The following TMEM67 variants were observed in gnomAD, a reference collection of about 807,000 sequenced individuals.
TMEM67 encodes the protein transmembrane protein 67, also known as meckelin.
TMEM67 carries 124 observed loss-of-function variants against 136.6 expected under a neutral mutation model. That is an observed-to-expected ratio of 0.91 (90% CI 0.78 to 1.05). The LOEUF (loss-of-function observed/expected upper bound fraction) is 1.05. TMEM67 is among the 50% of genes least tolerant of loss of function. TMEM67 has a pLI of 0.00. For synonymous variants in TMEM67, 364 were observed against 390.5 expected (o/e 0.93, Z 0.80); for missense variants, 1,107 against 1,178.4 (o/e 0.94, Z 0.89).
chr8:93,770,965 A>G (rs977057795), intron 6 of TMEM67, among the ~76,000 whole-genome samples: 1 of 151,968 alleles, frequency 6.6e-6, no homozygotes, highest in Admixed American at 6.6e-5. Flanking sequence ...CAGTGAGCCA[A>G]GATCGCGCCA....
chr8:93,762,945 AAC>A, intron 3 of TMEM67: 1 of 438,982 alleles, frequency 2.3e-6, no homozygotes, highest in Middle Eastern at 3.3e-4. Context: ...TGTTTTTTGA[AAC>A]AGGGTCTCAC....
Position 93,793,228 on chromosome 8 carries a change from GT to G in TMEM67, c.1610del (p.Leu537Ter), listed in dbSNP as rs866092329. 6.2e-7 allele frequency: 1 copy of G among 1,614,114 alleles called. No homozygotes were observed. Among genetic ancestry groups the G allele is most frequent in the Non-Finnish European group, 8.5e-7 (1 of 1,180,004 alleles). On this transcript the variant is annotated frameshift_variant, in exon 16 of 28. Coordinates refer to ENST00000453321, the MANE Select transcript of TMEM67 (RefSeq NM_153704.6). LOFTEE classifies it high-confidence loss of function. ...IALGVLGGLAVLASLLKTAGW... is the reference protein window; with the variant it reads ...IALGVLGGLAXLASLLKTAGW... Reference sequence around the variant, plus strand: ...TTTGGGTGTATTGGGTGGGCTAGCTGTTTTAGCATCTCTTTTGAAGACAGCA... The same window carrying G: ...TTTGGGTGTATTGGGTGGGCTAGCTGTTTAGCATCTCTTTTGAAGACAGCA...
chr8:93,780,726 C>T lies in TMEM67; in HGVS notation c.848C>T (p.Thr283Ile), dbSNP rs747533371. The change falls in exon 8 of 28, where the codon ACT (threonine) becomes ATT (isoleucine). Residue 283 changes from threonine to isoleucine, a missense_variant. Physicochemically the swap from Thr to Ile is moderately conservative, Grantham distance 89. Around this residue, in one of 3 missense-constraint regions of TMEM67, gnomAD observed 925 missense variants for 1,002.4 expected, o/e 0.92. Transcript: ENST00000453321. Reference protein sequence around the residue: ...FIFENTAGLSTVHSISFWRQN... With the variant: ...FIFENTAGLSIVHSISFWRQN... ...TTTGAAAATACTGCTGGACTGAGCA[C>T]TGTTCATTCTATTTCATTTTGGTAA... is the stretch of plus-strand genomic sequence containing the variant. 1.2e-5 allele frequency: 20 copies of T among 1,613,930 alleles called. No individual in the cohort carries two copies. Among genetic ancestry groups the T allele is most frequent in the South Asian group, 4.4e-5 (4 of 91,084 alleles).
rs562576205 is a variant in TMEM67 at position 93,814,285 on chromosome 8, G to A, written c.2765-1020G>A. Among the ~76,000 whole-genome samples the A allele has an allele frequency of 1.1e-4, 17 of 151,192 alleles. No homozygotes were observed. In the East Asian group the frequency reaches 1.2e-3, roughly 10 times the overall value. ...CTCCTGAGTAGCTGGGACTACAGGC[G>A]CCCGCCACCATGCGTGGCTAATTTT... On this transcript the variant is annotated intron_variant, in intron 26 of 27. Transcript: ENST00000453321.
In TMEM67 at chr8:93,795,431, A is replaced by G; in HGVS notation, c.1697A>G (p.Tyr566Cys). 1 of 1,614,034 alleles carries G rather than the reference A, an allele frequency of 6.2e-7. No individual in the cohort carries two copies. Among genetic ancestry groups the G allele is most frequent in the Non-Finnish European group, 8.5e-7 (1 of 1,179,952 alleles). Residue 566 changes from tyrosine to cysteine, a missense_variant, in exon 17 of 28, where the codon TAC becomes TGC. Physicochemically the swap from Tyr to Cys is radical, Grantham distance 194 (BLOSUM62 -2). Transcript: ENST00000453321. ...CAGACAGTTGTGAAATTCTTGGTGT[A>G]CTATGCTGGTGATCTGGCCAATGTT... ...DLQTVVKFLVYYAGDLANVFF... is the reference protein window; with the variant it reads ...DLQTVVKFLVCYAGDLANVFF...
intron 4 of TMEM67, 62 bp from the exon 5 acceptor site, chr8:93,765,344 T>C: frequency 7.5e-7 from 1 of 1,341,486 alleles, no homozygotes; most frequent in Non-Finnish European, 1.1e-6. Flanking sequence ...AAAGACAGCT[T>C]TTCTATTAGG....
At chr8:93,756,139 T>C (rs1812563172) in intron 2 of TMEM67, 1 of 322,478 alleles carries the variant, frequency 3.1e-6, no homozygotes, top group African/African-American at 2.2e-5. Flanking sequence ...AATAACTCGG[T>C]TATGAAGAAA....
At position 93,765,449 on chromosome 8, in the gene TMEM67, T is replaced by C. The variant is rs1813039281; in HGVS notation, c.550T>C (p.Cys184Arg). The change falls in exon 5 of 28, where the codon TGT (cysteine) becomes CGT (arginine). Residue 184 changes from cysteine (C) to arginine (R), a missense_variant. Physicochemically the swap from Cys to Arg is radical, Grantham distance 180. Around this residue, in one of 3 missense-constraint regions of TMEM67, gnomAD observed 925 missense variants for 1,002.4 expected, o/e 0.92. Coordinates refer to ENST00000453321, the MANE Select transcript of TMEM67 (RefSeq NM_153704.6). The stretch of plus-strand genomic sequence containing the variant: ...AACATTTGTTAATACCAGCAGGTCC[T>C]GTGCATGTTCAGAACCTAACATTTT... ...EPTFVNTSRS[C>R]ACSEPNILTG... 6.2e-7 allele frequency: 1 copy of C among 1,612,116 alleles called. No homozygotes were observed. Among genetic ancestry groups the C allele is most frequent in the South Asian group, 1.1e-5 (1 of 90,984 alleles).
chr8:93,805,544 G>A (rs1431199104), intron 23 of TMEM67, among the ~76,000 whole-genome samples: 5 of 146,200 alleles, frequency 3.4e-5, no homozygotes, highest in Non-Finnish European at 5.9e-5. Context: ...TTGCGCCACC[G>A]CACTCCAGCT....
At chr8:93,787,775 T>C in intron 13 of TMEM67, 69 bp from the exon 14 acceptor site, 1 of 1,184,618 alleles carries the variant, frequency 8.4e-7, no homozygotes, top group South Asian at 1.2e-5. Context: ...TCAAAAGAAA[T>C]GGTAAGTTAA....
At chr8:93,804,074 T>C (rs2130759498) in intron 22 of TMEM67, among the ~76,000 whole-genome samples, 1 of 151,220 alleles carries the variant, frequency 6.6e-6, no homozygotes, top group South Asian at 2.1e-4. Flanking sequence ...ATAGATGGGG[T>C]TTCCCCATGT....
intron 14 of TMEM67, among the ~76,000 whole-genome samples, chr8:93,790,837 A>G (rs996980397): frequency 3.3e-5 from 5 of 152,082 alleles, no homozygotes; most frequent in African/African-American, 7.2e-5. Context: ...ACCCTTTACT[A>G]GGTTCTTCTT....
chr8:93,758,033 G>A (rs939011939), intron 2 of TMEM67, among the ~76,000 whole-genome samples: 3 of 152,198 alleles, frequency 2.0e-5, no homozygotes, highest in Admixed American at 6.5e-5. Flanking sequence ...TGGAATTACA[G>A]ACGTGAGCCA....
rs555644841 is a variant in TMEM67, at chr8:93,795,233, A to G, written c.1675-176A>G. 232 of 653,750 alleles carry G rather than the reference A, an allele frequency of 3.5e-4. 1 individual carries two copies. The South Asian group carries it at 4.0e-3, about 11-fold the overall frequency. The allele number at this position is 653,750 out of a possible 1,614,324, so 40.5% of individuals were successfully genotyped here. Reference sequence around the variant, plus strand: ...GAACGGCCAGAAAGGTAAGGAGCCAAAAGGTAGCAAGGAGGAGGAAGCAGG... The same window carrying G: ...GAACGGCCAGAAAGGTAAGGAGCCAGAAGGTAGCAAGGAGGAGGAAGCAGG... On this transcript the variant is annotated intron_variant, in intron 16 of 27. Coordinates refer to ENST00000453321, the MANE Select transcript of TMEM67 (RefSeq NM_153704.6).
intron 6 of TMEM67, among the ~76,000 whole-genome samples, chr8:93,768,685 C>G (rs1217751277): frequency 6.6e-6 from 1 of 152,148 alleles, no homozygotes; most frequent in African/African-American, 2.4e-5. Flanking sequence ...TTCTTTCTAA[C>G]CTTTCCCTTT....
Position 93,755,037 on chromosome 8 carries a change from C to G in TMEM67, c.123C>G (p.Phe41Leu), listed in dbSNP as rs1812503608. 2.5e-6 allele frequency: 4 copies of G among 1,614,222 alleles called. No homozygotes were observed. Among genetic ancestry groups the G allele is most frequent in the Middle Eastern group, 1.6e-4 (1 of 6,062 alleles). The change falls in exon 1 of 28, where the codon TTC (phenylalanine) becomes TTG (leucine). Residue 41 changes from phenylalanine (F) to leucine (L), a missense_variant. Phe to Leu is a conservative substitution (Grantham distance 22, BLOSUM62 0). Transcript: ENST00000453321. ...PRFLQAQTFS[F>L]PFQQPEKCDN... is the part of the protein sequence containing the mutation. ...TCTTACAGGCCCAGACCTTCTCTTT[C>G]CCTTTCCAGCAGCCGGAGAAGTGCG...
rs573204916 is a variant in TMEM67, at chr8:93,765,474, T to C, written c.575T>C (p.Leu192Ser). Residue 192 changes from leucine to serine, a missense_variant and splice_region_variant, in exon 5 of 28, where the codon TTA (leucine) becomes TCA (serine). Around this residue, in one of 3 missense-constraint regions of TMEM67, gnomAD observed 925 missense variants for 1,002.4 expected, o/e 0.92. Transcript: ENST00000453321. Reference sequence around the variant, plus strand: ...TGTGCATGTTCAGAACCTAACATTTTAGTAAGGCTAACCAAATTGATAAAG... The same window carrying C: ...TGTGCATGTTCAGAACCTAACATTTCAGTAAGGCTAACCAAATTGATAAAG... The part of the protein sequence containing the change: ...RSCACSEPNI[L>S]TGGLCFSSTG... 1 of 1,611,828 alleles carries C rather than the reference T, an allele frequency of 6.2e-7. No individual in the cohort carries two copies. Among genetic ancestry groups the C allele is most frequent in the African/African-American group, 1.3e-5 (1 of 74,996 alleles).
intron 10 of TMEM67, 69 bp from the exon 11 acceptor site, chr8:93,782,326 T>C: frequency 8.1e-7 from 1 of 1,239,254 alleles, no homozygotes. Context: ...CATGTTCGGG[T>C]TTGAGAACTC....
At chr8:93,808,488 A>AATAGAGCTATT (rs1808534542) in intron 23 of TMEM67, among the ~76,000 whole-genome samples, 1 of 146,196 alleles carries the variant, frequency 6.8e-6, no homozygotes, top group Non-Finnish European at 1.5e-5. Flanking sequence ...ATTTATCTAT[A>AATAGAGCTATT]ATAGATCTAT....
Sources: allele counts gnomAD v4.1 joint callset (sites outside exome capture counted in the v4.1 genomes callset), GRCh38; gene constraint gnomAD v4.1.1; regional missense constraint gnomAD v4.1.1; transcripts MANE v1.5; gene names NCBI Gene and HGNC (gene_info 2026-07-23, HGNC 2026-07-21).